Variants in DCC observed in about 807,000 individuals in gnomAD.
The protein encoded by DCC is DCC netrin 1 receptor, also known as netrin receptor DCC.
A neutral mutation model predicts 172.5 loss-of-function variants in DCC; 58 were observed. That is an observed-to-expected ratio of 0.34 (90% CI 0.27 to 0.42). The LOEUF (loss-of-function observed/expected upper bound fraction) is 0.42. DCC is among the 10% of genes least tolerant of loss of function. The probability of loss-of-function intolerance (pLI) is 1.00; values close to 1 mark genes in which losing one functional copy is unlikely to be tolerated. For synonymous variants in DCC, 709 were observed against 644.5 expected, an observed-to-expected ratio of 1.10 and a Z score of -1.52; for missense variants, 1,740 against 1,791.0, an observed-to-expected ratio of 0.97 and a Z score of 0.51.
chr18:52,340,570 C>G lies in DCC; in HGVS notation c.-218C>G. ...ACCGAATGGAACTTTTTGCTGCCTG[C>G]TTTTGCTGCTGATTCTGTCAGTGGA... On this transcript the variant is annotated 5_prime_UTR_variant, in exon 1 of 29. Coordinates refer to ENST00000442544, the MANE Select transcript of DCC (RefSeq NM_005215.4). 1 of 619,852 alleles carries G rather than the reference C, an allele frequency of 1.6e-6. No individual in the cohort carries two copies. The highest frequency in any genetic ancestry group is 2.9e-6 in the Non-Finnish European group (1 of 345,258). The allele number at this position is 619,852 out of a possible 1,614,324, so 38.4% of individuals were successfully genotyped here. A position where few individuals can be genotyped will look rare whatever the true frequency, so the allele number is the denominator to read the frequency against.
intron 12 of DCC, among the ~76,000 whole-genome samples, chr18:53,224,144 TGAA>T (rs1210762071): frequency 6.6e-6 from 1 of 152,122 alleles, no homozygotes; most frequent in Non-Finnish European, 1.5e-5. Flanking sequence ...GTAAGTTCTG[TGAA>T]GAAAATCAAG....
At position 53,474,480 on chromosome 18, in the gene DCC, G is replaced by A. The variant is rs139604972; in HGVS notation, c.3736+6470G>A. Among the ~76,000 whole-genome samples the A allele has an allele frequency of 3.9e-4, 59 of 152,270 alleles. 2 individuals carry two copies. In the East Asian group the frequency reaches 0.011, roughly 28 times the overall value. ...CCATGTCTTGTGGGAGGGTCCCAAT[G>A]GGAGGTAATTGAATCAGGGGCAGGT... On this transcript the variant is annotated intron_variant, in intron 25 of 28. Coordinates refer to ENST00000442544, the MANE Select transcript of DCC (RefSeq NM_005215.4).
At chr18:52,689,555 C>T (rs960813399) in intron 1 of DCC, among the ~76,000 whole-genome samples, 1 of 152,082 alleles carries the variant, frequency 6.6e-6, no homozygotes, top group African/African-American at 2.4e-5. Flanking sequence ...ATGCTTCTTC[C>T]TCATCTGTGT....
intron 2 of DCC, among the ~76,000 whole-genome samples, chr18:52,871,294 CATAAA>C (rs1054516482): frequency 1.2e-4 from 18 of 151,726 alleles, no homozygotes; most frequent in African/African-American, 3.1e-4. Context: ...CTCTCAGTGA[CATAAA>C]ATAAGATGAG....
intron 15 of DCC, among the ~76,000 whole-genome samples, chr18:53,381,658 A>G (rs1907752383): frequency 6.9e-6 from 1 of 144,388 alleles, no homozygotes. Flanking sequence ...AGACTTCAGT[A>G]TCTATTTTTC....
At chr18:52,441,664 A>G (rs981298759) in intron 1 of DCC, among the ~76,000 whole-genome samples, 2 of 152,168 alleles carry the variant, frequency 1.3e-5, no homozygotes, top group Non-Finnish European at 2.9e-5. Context: ...TTTTCTAGTA[A>G]GGTTTGATTT....
At chr18:52,703,524 T>C (rs868623605) in intron 1 of DCC, among the ~76,000 whole-genome samples, 20 of 151,798 alleles carry the variant, frequency 1.3e-4, no homozygotes, top group African/African-American at 4.8e-4. Context: ...TCTTAATTCT[T>C]CTTGAGACTC....
At chr18:52,450,402 G>A (rs780894618) in intron 1 of DCC, among the ~76,000 whole-genome samples, 9 of 152,140 alleles carry the variant, frequency 5.9e-5, no homozygotes, top group Non-Finnish European at 1.2e-4. Context: ...TTGACCTGTA[G>A]ACAAGGTAAC....
intron 20 of DCC, among the ~76,000 whole-genome samples, chr18:53,412,511 T>G (rs1222501357): frequency 6.6e-6 from 1 of 151,984 alleles, no homozygotes; most frequent in African/African-American, 2.4e-5. Context: ...ACACCAAAGA[T>G]AAAATCATGC....
chr18:53,034,412 T>C (rs2042065216), intron 5 of DCC, among the ~76,000 whole-genome samples: 1 of 151,980 alleles, frequency 6.6e-6, no homozygotes, highest in Admixed American at 6.6e-5. Context: ...CCAAAGAAAA[T>C]AATACAAAGT....
At chr18:52,349,439 GA>G (rs1381851062) in intron 1 of DCC, among the ~76,000 whole-genome samples, 2 of 152,154 alleles carry the variant, frequency 1.3e-5, no homozygotes, top group Non-Finnish European at 1.5e-5. Context: ...AAATTAGAGA[GA>G]AGAATCTGCA....
At chr18:53,079,038 C>T (rs944840334) in intron 7 of DCC, among the ~76,000 whole-genome samples, 1 of 152,062 alleles carries the variant, frequency 6.6e-6, no homozygotes, top group Non-Finnish European at 1.5e-5. Flanking sequence ...TGTACCAAAG[C>T]AGAACAAACT....
chr18:52,616,250 A>C (rs1208832659), intron 1 of DCC, among the ~76,000 whole-genome samples: 1 of 151,396 alleles, frequency 6.6e-6, no homozygotes, highest in Non-Finnish European at 1.5e-5. Flanking sequence ...GGTCTGTGAC[A>C]GTTTCTTTTG....
At chr18:52,828,255 C>T (rs189183408) in intron 2 of DCC, among the ~76,000 whole-genome samples, 7 of 152,086 alleles carry the variant, frequency 4.6e-5, no homozygotes, top group Non-Finnish European at 1.0e-4. Context: ...GAAACAAATA[C>T]AAGATGTTAT....
rs530225064 is a variant in DCC, at chr18:53,511,766, G to A, written c.4111+12256G>A. Among the ~76,000 whole-genome samples the A allele has an allele frequency of 1.6e-4, 24 of 152,288 alleles. No individual in the cohort carries two copies. In the South Asian group the frequency reaches 4.1e-3, roughly 26 times the overall value. On this transcript the variant is annotated intron_variant, in intron 27 of 28. Transcript: ENST00000442544. ...GGCTTTTCCAATGGGCTTAAAAAAC[G>A]GCGCATCATGAGAGTATATCCTGCA...
intron 12 of DCC, among the ~76,000 whole-genome samples, chr18:53,259,561 A>G (rs1318153582): frequency 1.3e-5 from 2 of 151,952 alleles, no homozygotes; most frequent in Non-Finnish European, 2.9e-5. Flanking sequence ...TGGCTTGTAG[A>G]GTTTCTGCCA....
At chr18:52,902,717 C>T (rs2039827573) in intron 2 of DCC, among the ~76,000 whole-genome samples, 1 of 152,072 alleles carries the variant, frequency 6.6e-6, no homozygotes, top group African/African-American at 2.4e-5. Flanking sequence ...GTTACACCAC[C>T]ATGAGATGTA....
At position 53,217,284 on chromosome 18, in the gene DCC, C is replaced by T. The variant is rs866804058; in HGVS notation, c.1911+1687C>T. Among the ~76,000 whole-genome samples, 4 of 119,182 alleles carry T rather than the reference C, an allele frequency of 3.4e-5. 1 individual carries two copies. The South Asian group carries it at 9.2e-4, about 28-fold the overall frequency. 78.2% of individuals were successfully genotyped at this position (119,182 alleles called of 152,430 possible). A position where few individuals can be genotyped will look rare whatever the true frequency, so the allele number is the denominator to read the frequency against. On this transcript the variant is annotated intron_variant, in intron 12 of 28. Coordinates refer to ENST00000442544, the MANE Select transcript of DCC (RefSeq NM_005215.4). ...TTATACACACACACACACACACACA[C>T]ACACACACACACACACATATGTATA... is the stretch of plus-strand genomic sequence containing the variant.
At chr18:52,512,499 T>C (rs1202638787) in intron 1 of DCC, among the ~76,000 whole-genome samples, 1 of 152,254 alleles carries the variant, frequency 6.6e-6, no homozygotes. Flanking sequence ...AAAACATTTT[T>C]GGCTTTAAAT....
Sources: allele counts gnomAD v4.1 joint callset (sites outside exome capture counted in the v4.1 genomes callset), GRCh38; gene constraint gnomAD v4.1.1; transcripts MANE v1.5; gene names NCBI Gene and HGNC (gene_info 2026-07-23, HGNC 2026-07-21).